Variants in SAMMSON observed in about 807,000 individuals in gnomAD.
SAMMSON encodes long intergenic non-protein coding RNA 1212.
intron 7 of SAMMSON, among the ~76,000 whole-genome samples, chr3:70,317,483 CT>C (rs1304070689): frequency 6.6e-6 from 1 of 151,798 alleles, no homozygotes; most frequent in Non-Finnish European, 1.5e-5. Context: ...TTTATACAAA[CT>C]GTTTTTTTGT....
At chr3:70,021,644 C>T (rs900536088) in intron 3 of SAMMSON, among the ~76,000 whole-genome samples, 2 of 152,038 alleles carry the variant, frequency 1.3e-5, no homozygotes, top group Non-Finnish European at 1.5e-5. Context: ...TGGAACGGCT[C>T]AAAGATTTTC....
chr3:70,389,493 A>G (rs1355982666), intron 9 of SAMMSON: 3 of 152,044 alleles, frequency 2.0e-5, no homozygotes, highest in African/African-American at 2.4e-5. Flanking sequence ...AATCTGTTTA[A>G]TATCCATTTA....
At chr3:70,184,101 A>G (rs1701074147) in intron 4 of SAMMSON, 1 of 152,226 alleles carries the variant, frequency 6.6e-6, no homozygotes, top group African/African-American at 2.4e-5. Flanking sequence ...CCGAAAAACA[A>G]TCTTGTGTAA....
chr3:70,262,904 T>G (rs908736259), intron 6 of SAMMSON, among the ~76,000 whole-genome samples: 5 of 152,210 alleles, frequency 3.3e-5, no homozygotes, highest in African/African-American at 1.2e-4. Flanking sequence ...TCTCTGTGTT[T>G]TGCTTTGGAT....
chr3:70,329,757 T>G (rs6794640), intron 7 of SAMMSON, among the ~76,000 whole-genome samples: 15,292 of 151,972 alleles, frequency 0.1, 1,007 homozygotes, highest in Non-Finnish European at 0.16. Flanking sequence ...TTAAAAAAAT[T>G]TTTAAAGGCT....
intron 7 of SAMMSON, among the ~76,000 whole-genome samples, chr3:70,327,664 A>G (rs1488250345): frequency 6.6e-6 from 1 of 152,222 alleles, no homozygotes; most frequent in Non-Finnish European, 1.5e-5. Context: ...CACAGGGTCC[A>G]GAAGAACTTG....
intron 4 of SAMMSON, among the ~76,000 whole-genome samples, chr3:70,096,363 C>A (rs554576316): frequency 4.5e-4 from 68 of 152,228 alleles, no homozygotes; most frequent in Middle Eastern, 3.4e-3. Context: ...GGGCAACATA[C>A]TGGGACCTCG....
At chr3:70,108,603 G>T (rs1324833991) in intron 4 of SAMMSON, among the ~76,000 whole-genome samples, 1 of 151,494 alleles carries the variant, frequency 6.6e-6, no homozygotes, top group Non-Finnish European at 1.5e-5. Flanking sequence ...GTTGGAGATG[G>T]GGCCTTTGGG....
At chr3:70,124,183 T>G (rs1297948574) in intron 4 of SAMMSON, among the ~76,000 whole-genome samples, 6 of 152,188 alleles carry the variant, frequency 3.9e-5, no homozygotes, top group Admixed American at 3.9e-4. Context: ...CTACCATATC[T>G]CTAGCACACA....
chr3:70,153,615 A>G (rs556821885), intron 4 of SAMMSON, among the ~76,000 whole-genome samples: 1 of 152,022 alleles, frequency 6.6e-6, no homozygotes, highest in African/African-American at 2.4e-5. Context: ...ATCAGGGAAA[A>G]CTACATTTAA....
chr3:70,423,921 C>A (rs943303255), intron 2 of SAMMSON, among the ~76,000 whole-genome samples: 2 of 152,122 alleles, frequency 1.3e-5, no homozygotes, highest in Non-Finnish European at 2.9e-5. Flanking sequence ...TTTAGCAGAT[C>A]TTTCTGGTCT....
intron 6 of SAMMSON, among the ~76,000 whole-genome samples, chr3:70,260,014 C>G (rs1319760224): frequency 6.6e-6 from 1 of 152,156 alleles, no homozygotes. Flanking sequence ...CCAATTACCT[C>G]TATCTGATCT....
intron 4 of SAMMSON, among the ~76,000 whole-genome samples, chr3:70,242,754 C>T (rs1484731953): frequency 6.6e-6 from 1 of 152,122 alleles, no homozygotes; most frequent in Non-Finnish European, 1.5e-5. Context: ...TGTGCATGTA[C>T]ATTTCCTGGA....
At chr3:70,178,121 C>T (rs951058598) in intron 4 of SAMMSON, among the ~76,000 whole-genome samples, 2 of 152,068 alleles carry the variant, frequency 1.3e-5, no homozygotes, top group Admixed American at 6.5e-5. Context: ...TATATCACCC[C>T]CCTTCCCCCA....
chr3:70,301,073 G>C (rs9864250), intron 7 of SAMMSON, among the ~76,000 whole-genome samples: 1 of 151,850 alleles, frequency 6.6e-6, no homozygotes, highest in Non-Finnish European at 1.5e-5. Context: ...AAAAGACGAT[G>C]TTAGCTATTT....
At chr3:70,251,294 A>G (rs1701765571) in intron 6 of SAMMSON, among the ~76,000 whole-genome samples, 1 of 152,204 alleles carries the variant, frequency 6.6e-6, no homozygotes, top group Non-Finnish European at 1.5e-5. Context: ...CTCAATGTCC[A>G]GAAAGTAAAG....
At chr3:70,330,595 A>C (rs1702615033) in intron 7 of SAMMSON, among the ~76,000 whole-genome samples, 1 of 152,090 alleles carries the variant, frequency 6.6e-6, no homozygotes, top group Non-Finnish European at 1.5e-5. Context: ...TCCAACATAA[A>C]AATTGTTGTT....
intron 6 of SAMMSON, among the ~76,000 whole-genome samples, chr3:70,269,368 C>T (rs969724959): frequency 3.9e-5 from 6 of 152,164 alleles, no homozygotes; most frequent in Non-Finnish European, 8.8e-5. Flanking sequence ...TGTCTGGATA[C>T]ATAGACACCC....
chr3:70,197,486 G>A (rs6549298), intron 4 of SAMMSON, among the ~76,000 whole-genome samples: 104,947 of 152,100 alleles, frequency 0.69, 37,500 homozygotes, highest in Non-Finnish European at 0.79. Flanking sequence ...GCTCTGGGAA[G>A]CCACACAATT....
Sources: gnomAD v4.1 joint callset for allele counts (sites outside exome capture counted in the v4.1 genomes callset) on GRCh38, gnomAD v4.1.1 for gene constraint, MANE v1.5 for transcripts, NCBI Gene and HGNC (gene_info 2026-07-23, HGNC 2026-07-21) for gene names.